Variants in RPS6KC1 observed in about 807,000 individuals in gnomAD.
RPS6KC1 encodes the protein ribosomal protein S6 kinase C1, also known as inactive ribosomal protein S6 kinase delta-1.
Under a neutral mutation model 103.8 loss-of-function variants are expected in RPS6KC1, and 54 were observed. The ratio of observed to expected loss-of-function variants is 0.52; its 90% CI spans 0.42 to 0.65. The LOEUF (loss-of-function observed/expected upper bound fraction) is 0.65, where lower values mean the gene tolerates loss of function less well. Among genes scored for constraint, RPS6KC1 ranks in the 30% least tolerant of loss-of-function variants. The pLI is 0.00. For missense variants in RPS6KC1, 1,151 were observed against 1,253.8 expected, an observed-to-expected ratio of 0.92 and a Z score of 1.24; for synonymous variants, 439 against 438.7, an observed-to-expected ratio of 1.00 and a Z score of -0.01.
At chr1:213,118,310 C>T (rs896949944) in intron 5 of RPS6KC1, among the ~76,000 whole-genome samples, 7 of 147,214 alleles carry the variant, frequency 4.8e-5, no homozygotes, top group Admixed American at 6.8e-5. Context: ...GGGAAGGTTA[C>T]GGAAAAAAAA....
intron 8 of RPS6KC1, among the ~76,000 whole-genome samples, chr1:213,201,995 A>G (rs1190122522): frequency 1.3e-5 from 2 of 152,156 alleles, no homozygotes; most frequent in African/African-American, 4.8e-5. Context: ...AGGATTACAT[A>G]TTATGTGTAC....
At chr1:213,660,688 T>C in the RPS6KC1 span, among the ~76,000 whole-genome samples, 2 of 138,748 alleles carry the variant, frequency 1.4e-5, no homozygotes, top group Non-Finnish European at 3.2e-5. Context: ...CTACAAATTA[T>C]GGTTCATTTA....
chr1:213,482,254 C>T, the RPS6KC1 span, among the ~76,000 whole-genome samples: 3 of 152,116 alleles, frequency 2.0e-5, no homozygotes, highest in Non-Finnish European at 4.4e-5. Flanking sequence ...TATTTTTCCT[C>T]TCTTTTGATG....
At chr1:213,054,226 A>G (rs2077163909) in intron 1 of RPS6KC1, among the ~76,000 whole-genome samples, 1 of 152,220 alleles carries the variant, frequency 6.6e-6, no homozygotes, top group South Asian at 2.1e-4. Context: ...ACATTGCCTT[A>G]GAACTAACCA....
chr1:213,185,203 T>A (rs1467603405), intron 8 of RPS6KC1, among the ~76,000 whole-genome samples: 1 of 152,212 alleles, frequency 6.6e-6, no homozygotes, highest in East Asian at 1.9e-4. Context: ...GTAGAGCTAC[T>A]CCTGTGCTTT....
chr1:213,727,160 A>G, the RPS6KC1 span, among the ~76,000 whole-genome samples: 1 of 152,214 alleles, frequency 6.6e-6, no homozygotes, highest in Non-Finnish European at 1.5e-5. Flanking sequence ...GAATGAGTGG[A>G]TGCACTATTC....
chr1:213,645,848 G>A, the RPS6KC1 span, among the ~76,000 whole-genome samples: 3 of 152,138 alleles, frequency 2.0e-5, no homozygotes, highest in African/African-American at 4.8e-5. Flanking sequence ...TGCCTGACCC[G>A]CTGCTCCAGC....
At chr1:213,788,533 C>T in the RPS6KC1 span, among the ~76,000 whole-genome samples, 1 of 152,064 alleles carries the variant, frequency 6.6e-6, no homozygotes, top group Non-Finnish European at 1.5e-5. Flanking sequence ...CATTTCTTCC[C>T]CTGACTCCCT....
At chr1:213,108,739 T>A (rs1285296603) in intron 4 of RPS6KC1, among the ~76,000 whole-genome samples, 1 of 151,470 alleles carries the variant, frequency 6.6e-6, no homozygotes, top group East Asian at 1.9e-4. Flanking sequence ...CACTTTAACC[T>A]CAAACTCTTG....
the RPS6KC1 span, among the ~76,000 whole-genome samples, chr1:213,851,200 C>G: frequency 6.6e-6 from 1 of 152,072 alleles, no homozygotes; most frequent in Non-Finnish European, 1.5e-5. Flanking sequence ...CTCCACTTTC[C>G]CTAGTTGACA....
the RPS6KC1 span, among the ~76,000 whole-genome samples, chr1:213,288,989 G>A: frequency 6.6e-6 from 1 of 151,972 alleles, no homozygotes; most frequent in South Asian, 2.1e-4. Flanking sequence ...GGAACTCTTA[G>A]TGCTGCTGCT....
At chr1:213,406,018 C>T in the RPS6KC1 span, among the ~76,000 whole-genome samples, 1 of 152,216 alleles carries the variant, frequency 6.6e-6, no homozygotes, top group African/African-American at 2.4e-5. Flanking sequence ...AGTGAGACCA[C>T]AGGGTGAGTC....
At chr1:213,582,085 G>C in the RPS6KC1 span, among the ~76,000 whole-genome samples, 282 of 144,972 alleles carry the variant, frequency 1.9e-3, 7 homozygotes, top group East Asian at 0.012. Flanking sequence ...AGAGATCAGG[G>C]ACCTTTTTTT....
chr1:213,565,672 G>C, the RPS6KC1 span, among the ~76,000 whole-genome samples: 1 of 152,150 alleles, frequency 6.6e-6, no homozygotes, highest in African/African-American at 2.4e-5. Context: ...TTTTATATTT[G>C]ATATGTGTTT....
rs777998280 is a variant in RPS6KC1 at position 213,051,480 on chromosome 1, G to A, written c.76G>A (p.Gly26Ser). 1.2e-6 allele frequency: 2 copies of A among 1,613,082 alleles called. No homozygotes were observed. Among genetic ancestry groups the A allele is most frequent in the Non-Finnish European group, 1.7e-6 (2 of 1,179,612 alleles). Reference sequence around the variant, plus strand: ...CACCGAGCCCCAGCGACACCCGAGGGGCTACACAGTATATAAGGTCACCGC... The same window carrying A: ...CACCGAGCCCCAGCGACACCCGAGGAGCTACACAGTATATAAGGTCACCGC... Reference protein sequence around the residue: ...TVTEPQRHPRGYTVYKVTARV... With the variant: ...TVTEPQRHPRSYTVYKVTARV... Residue 26 changes from glycine to serine, a missense_variant, in exon 1 of 15, where the codon GGC (glycine) becomes AGC (serine). Around this residue, in one of 3 missense-constraint regions of RPS6KC1, gnomAD observed 959 missense variants for 1,006.3 expected, o/e 0.95. Coordinates refer to ENST00000366960, the MANE Select transcript of RPS6KC1 (RefSeq NM_012424.6).
the RPS6KC1 span, among the ~76,000 whole-genome samples, chr1:213,724,344 T>G: frequency 6.6e-6 from 1 of 152,164 alleles, no homozygotes; most frequent in Admixed American, 6.5e-5. Flanking sequence ...CCTCCCAAAG[T>G]GTTGAGATTA....
the RPS6KC1 span, among the ~76,000 whole-genome samples, chr1:213,662,207 G>A: frequency 7.1e-3 from 910 of 128,012 alleles, 4 homozygotes; most frequent in African/African-American, 0.018. Flanking sequence ...GCTCTCAGGT[G>A]CTTAGCCTGT....
chr1:213,177,541 G>A (rs1349152926), intron 8 of RPS6KC1, among the ~76,000 whole-genome samples: 2 of 152,236 alleles, frequency 1.3e-5, no homozygotes, highest in East Asian at 3.9e-4. Context: ...AAAGCTGTCG[G>A]TGTCTTAAGT....
rs139051095 is a variant in RPS6KC1 at position 213,202,115 on chromosome 1, G to A, written c.1044+25623G>A. On this transcript the variant is annotated intron_variant, in intron 8 of 14. Coordinates refer to ENST00000366960, the MANE Select transcript of RPS6KC1 (RefSeq NM_012424.6). The stretch of plus-strand genomic sequence containing the variant: ...TAAGTGTTTTGTATAAACACACTAA[G>A]TTACAGATCAAGGGTTTAAACTCAG... 5.6e-3 allele frequency among the ~76,000 whole-genome samples: 856 copies of A among 152,250 alleles called. 10 individuals carry two copies. The highest frequency in any genetic ancestry group is 0.017 in the African/African-American group (717 of 41,564).
Sources: gnomAD v4.1 joint callset for allele counts (sites outside exome capture counted in the v4.1 genomes callset) on GRCh38, gnomAD v4.1.1 for gene constraint, gnomAD v4.1.1 regional missense constraint, MANE v1.5 for transcripts, NCBI Gene and HGNC (gene_info 2026-07-23, HGNC 2026-07-21) for gene names.